SHISA9: variants seen among roughly 807,000 people sequenced by gnomAD.
The protein encoded by SHISA9 is shisa family member 9.
A neutral mutation model predicts 38.0 loss-of-function variants in SHISA9; 13 were observed. The observed-to-expected ratio is 0.34, with a 90% CI of 0.22 to 0.54. The LOEUF (loss-of-function observed/expected upper bound fraction) is 0.54, where lower values mean the gene tolerates loss of function less well. Among genes scored for constraint, SHISA9 ranks in the 20% least tolerant of loss-of-function variants. SHISA9 has a pLI of 0.91. For synonymous variants in SHISA9, 275 were observed against 242.0 expected (o/e 1.14, Z -1.27); for missense variants, 538 against 575.8 (o/e 0.93, Z 0.67).
chr16:13,316,790 A>G, the SHISA9 span, among the ~76,000 whole-genome samples: 1 of 152,220 alleles, frequency 6.6e-6, no homozygotes, highest in Non-Finnish European at 1.5e-5. Flanking sequence ...AAGCAGGCAT[A>G]AATATACACC....
chr16:13,510,998 C>T, the SHISA9 span, among the ~76,000 whole-genome samples: 15 of 152,158 alleles, frequency 9.9e-5, no homozygotes, highest in Non-Finnish European at 2.1e-4. Flanking sequence ...TCTCCAGGCA[C>T]AGGTAACTAG....
the SHISA9 span, among the ~76,000 whole-genome samples, chr16:13,510,801 T>C: frequency 6.6e-6 from 1 of 151,610 alleles, no homozygotes; most frequent in Non-Finnish European, 1.5e-5. Context: ...GTTTTTTTTT[T>C]GTAAAATAAA....
chr16:12,934,492 T>C (rs1463022226), intron 2 of SHISA9, among the ~76,000 whole-genome samples: 2 of 152,218 alleles, frequency 1.3e-5, no homozygotes, highest in Admixed American at 1.3e-4. Context: ...TAAACACCTT[T>C]TTATGTAACA....
intron 2 of SHISA9, among the ~76,000 whole-genome samples, chr16:13,162,553 C>T (rs1289338380): frequency 6.6e-6 from 1 of 152,132 alleles, no homozygotes; most frequent in Non-Finnish European, 1.5e-5. Context: ...AAAACAGATT[C>T]GAAACTCATC....
chr16:13,137,007 C>G (rs138388894), intron 2 of SHISA9, among the ~76,000 whole-genome samples: 290 of 152,280 alleles, frequency 1.9e-3, no homozygotes, highest in African/African-American at 6.8e-3. Flanking sequence ...TGATGTCTGT[C>G]TCCGAGTAGA....
the SHISA9 span, among the ~76,000 whole-genome samples, chr16:13,245,945 A>G: frequency 6.6e-6 from 1 of 152,054 alleles, no homozygotes; most frequent in South Asian, 2.1e-4. Context: ...TTAACTGGAG[A>G]CAGTTAATAC....
intron 2 of SHISA9, among the ~76,000 whole-genome samples, chr16:12,929,587 G>T (rs972105815): frequency 2.6e-5 from 4 of 151,894 alleles, no homozygotes; most frequent in African/African-American, 9.7e-5. Context: ...GGAGCTGAAT[G>T]ATGAGAACAC....
At chr16:13,087,454 C>G (rs1450409112) in intron 2 of SHISA9, among the ~76,000 whole-genome samples, 1 of 152,138 alleles carries the variant, frequency 6.6e-6, no homozygotes, top group Non-Finnish European at 1.5e-5. Context: ...AGTGTAAAAG[C>G]ATTCCTGTTT....
chr16:13,288,989 T>G, the SHISA9 span, among the ~76,000 whole-genome samples: 1 of 152,152 alleles, frequency 6.6e-6, no homozygotes, highest in Non-Finnish European at 1.5e-5. Flanking sequence ...TGAATGAGGT[T>G]GGTGCACAAT....
chr16:13,107,350 G>A (rs1425745550), intron 2 of SHISA9, among the ~76,000 whole-genome samples: 14 of 151,896 alleles, frequency 9.2e-5, no homozygotes, highest in African/African-American at 2.9e-4. Flanking sequence ...CAGGAGAATC[G>A]CTTGAACCCA....
chr16:13,523,204 G>A, the SHISA9 span, among the ~76,000 whole-genome samples: 35,304 of 151,922 alleles, frequency 0.23, 4,544 homozygotes, highest in East Asian at 0.53. Context: ...ACAAAAATTA[G>A]CCAGGCATGG....
At chr16:13,026,524 G>A (rs1278195359) in intron 2 of SHISA9, among the ~76,000 whole-genome samples, 1 of 152,168 alleles carries the variant, frequency 6.6e-6, no homozygotes, top group Non-Finnish European at 1.5e-5. Context: ...TGTGAATAAT[G>A]CTGCAATGGA....
At chr16:13,384,121 A>G in the SHISA9 span, among the ~76,000 whole-genome samples, 20 of 152,264 alleles carry the variant, frequency 1.3e-4, no homozygotes, top group East Asian at 3.3e-3. Flanking sequence ...GGATTTTTTT[A>G]GTTTGGCAAG....
At chr16:13,001,724 C>A (rs186247826) in intron 2 of SHISA9, among the ~76,000 whole-genome samples, 213 of 152,180 alleles carry the variant, frequency 1.4e-3, no homozygotes, top group African/African-American at 4.7e-3. Flanking sequence ...TAAATTTCAT[C>A]TCGGAAGAAA....
intron 3 of SHISA9, among the ~76,000 whole-genome samples, 165 bp from the exon 4 acceptor site, chr16:13,213,088 G>A (rs1052588453): frequency 2.6e-5 from 4 of 152,146 alleles, no homozygotes; most frequent in African/African-American, 9.7e-5. Flanking sequence ...ACACATAGCT[G>A]CATTTTCACA....
At chr16:13,368,717 A>G in the SHISA9 span, among the ~76,000 whole-genome samples, 1 of 143,924 alleles carries the variant, frequency 6.9e-6, no homozygotes, top group African/African-American at 2.6e-5. Flanking sequence ...TGGAGCAATG[A>G]CCTCCAAGGC....
At chr16:13,419,843 A>G in the SHISA9 span, among the ~76,000 whole-genome samples, 1 of 152,206 alleles carries the variant, frequency 6.6e-6, no homozygotes, top group Non-Finnish European at 1.5e-5. Flanking sequence ...GATTTGGCCC[A>G]TGAACCATAT....
chr16:13,274,787 T>C, the SHISA9 span, among the ~76,000 whole-genome samples: 163 of 152,310 alleles, frequency 1.1e-3, no homozygotes, highest in Non-Finnish European at 1.8e-3. Context: ...AGCCATCCTT[T>C]GGAGGAAATC....
the SHISA9 span, among the ~76,000 whole-genome samples, chr16:13,463,267 A>G: frequency 6.6e-6 from 1 of 152,244 alleles, no homozygotes; most frequent in Non-Finnish European, 1.5e-5. Flanking sequence ...AGCTATTGCA[A>G]TAGTTCAATC....
Sources: gnomAD v4.1 joint callset for allele counts (sites outside exome capture counted in the v4.1 genomes callset) on GRCh38, gnomAD v4.1.1 for gene constraint, MANE v1.5 for transcripts, NCBI Gene and HGNC (gene_info 2026-07-23, HGNC 2026-07-21) for gene names.